NRG3: variants seen among roughly 807,000 people sequenced by gnomAD.
NRG3 encodes the protein neuregulin 3, also known as pro-neuregulin-3, membrane-bound isoform.
Under a neutral mutation model 66.9 loss-of-function variants are expected in NRG3, and 31 were observed. The ratio of observed to expected loss-of-function variants is 0.46; its 90% CI spans 0.35 to 0.63. The LOEUF (loss-of-function observed/expected upper bound fraction) is 0.63. Ranked by LOEUF, NRG3 falls within the 20% of genes least tolerant of loss-of-function variation. The pLI, the probability that NRG3 is intolerant of heterozygous loss-of-function variation, is 0.00. For missense variants in NRG3, 910 were observed against 878.9 expected (o/e 1.04, Z -0.45); for synonymous variants, 393 against 359.4 (o/e 1.09, Z -1.06).
intron 1 of NRG3, among the ~76,000 whole-genome samples, chr10:82,242,677 T>C (rs2077056335): frequency 6.6e-6 from 1 of 152,132 alleles, no homozygotes; most frequent in Non-Finnish European, 1.5e-5. Context: ...ACTTTGGAAT[T>C]CTTGTGGAGG....
At chr10:82,375,680 T>C (rs1045194367) in intron 2 of NRG3, among the ~76,000 whole-genome samples, 25 of 152,230 alleles carry the variant, frequency 1.6e-4, no homozygotes, top group African/African-American at 5.8e-4. Flanking sequence ...AAATCTGTTC[T>C]AAACCTCGGC....
intron 4 of NRG3, among the ~76,000 whole-genome samples, chr10:82,924,467 A>G (rs1339478875): frequency 6.6e-6 from 1 of 152,102 alleles, no homozygotes; most frequent in Non-Finnish European, 1.5e-5. Context: ...TGGGTCTACC[A>G]TAAGGCAGAA....
intron 1 of NRG3, among the ~76,000 whole-genome samples, chr10:82,285,151 A>G (rs1330450857): frequency 6.6e-6 from 1 of 152,204 alleles, no homozygotes; most frequent in African/African-American, 2.4e-5. Context: ...GCAAAAAAAC[A>G]TAACTGCCTT....
At chr10:82,371,492 G>C (rs1277174647) in intron 2 of NRG3, among the ~76,000 whole-genome samples, 2 of 152,138 alleles carry the variant, frequency 1.3e-5, no homozygotes, top group African/African-American at 4.8e-5. Flanking sequence ...CTGTAAAGTG[G>C]TAAGAATATA....
At position 82,086,117 on chromosome 10, in the gene NRG3, A is replaced by AC. The variant is rs79109351; in HGVS notation, c.823+209954_823+209955insC. 3.5e-5 allele frequency among the ~76,000 whole-genome samples: 3 copies of AC among 85,334 alleles called. No homozygotes were observed. In the East Asian group the frequency reaches 1.3e-3, roughly 37 times the overall value. 56.0% of individuals were successfully genotyped at this position (85,334 alleles called of 152,430 possible). A position where few individuals can be genotyped will look rare whatever the true frequency, so the allele number is the denominator to read the frequency against. Reference sequence around the variant, plus strand: ...ATTTGGGTAACTGATATGGAATCACAAAAAAAAATCTAACCTGAAGCAATT... The same window carrying AC: ...ATTTGGGTAACTGATATGGAATCACACAAAAAAAATCTAACCTGAAGCAATT... On this transcript the variant is annotated intron_variant, in intron 1 of 8. Transcript: ENST00000372141.
chr10:82,560,812 C>T (rs368412540), intron 2 of NRG3, among the ~76,000 whole-genome samples: 52 of 151,482 alleles, frequency 3.4e-4, no homozygotes, highest in Admixed American at 1.6e-3. Context: ...AAATAAGAAA[C>T]GACTGGTTTA....
At chr10:82,981,862 G>A (rs1000855387) in intron 8 of NRG3, among the ~76,000 whole-genome samples, 3 of 152,120 alleles carry the variant, frequency 2.0e-5, no homozygotes, top group Non-Finnish European at 4.4e-5. Flanking sequence ...ACAAAAGTTA[G>A]ATTCACACCT....
chr10:82,974,390 A>G (rs182187055), intron 7 of NRG3, among the ~76,000 whole-genome samples: 1 of 152,208 alleles, frequency 6.6e-6, no homozygotes, highest in Non-Finnish European at 1.5e-5. Flanking sequence ...ATGAGGTGGC[A>G]GTTTCTTGCA....
chr10:82,806,750 G>A (rs1485280338), intron 3 of NRG3, among the ~76,000 whole-genome samples: 2 of 152,182 alleles, frequency 1.3e-5, no homozygotes, highest in Non-Finnish European at 2.9e-5. Flanking sequence ...GTAGATGACA[G>A]TCTGATGGGG....
intron 2 of NRG3, among the ~76,000 whole-genome samples, chr10:82,646,247 G>A (rs1372695273): frequency 3.3e-5 from 5 of 152,118 alleles, no homozygotes; most frequent in Non-Finnish European, 1.5e-5. Flanking sequence ...GCAGATGAGG[G>A]AGTAATCCAC....
intron 2 of NRG3, among the ~76,000 whole-genome samples, chr10:82,470,937 A>T (rs1841193341): frequency 6.6e-6 from 1 of 151,984 alleles, no homozygotes. Flanking sequence ...CTGTCCACAC[A>T]ATTCCCTGGT....
chr10:82,177,118 A>T (rs894730671), intron 1 of NRG3, among the ~76,000 whole-genome samples: 1 of 152,114 alleles, frequency 6.6e-6, no homozygotes, highest in African/African-American at 2.4e-5. Context: ...TAGTGCCTTG[A>T]AGATAGCAGC....
intron 1 of NRG3, among the ~76,000 whole-genome samples, chr10:82,218,678 T>C (rs560889103): frequency 6.6e-6 from 1 of 152,272 alleles, no homozygotes; most frequent in African/African-American, 2.4e-5. Context: ...TCTCCCCACA[T>C]ATCTTTCTTC....
chr10:82,384,457 T>A (rs1476359646), intron 2 of NRG3, among the ~76,000 whole-genome samples: 3 of 152,086 alleles, frequency 2.0e-5, no homozygotes, highest in African/African-American at 4.8e-5. Context: ...CAGGCCCAAG[T>A]GTGTGTTATT....
At chr10:82,441,629 A>G (rs1299978625) in intron 2 of NRG3, among the ~76,000 whole-genome samples, 1 of 152,218 alleles carries the variant, frequency 6.6e-6, no homozygotes, top group Non-Finnish European at 1.5e-5. Flanking sequence ...TAACATGGGC[A>G]TTGGAAGAGG....
intron 1 of NRG3, among the ~76,000 whole-genome samples, chr10:82,059,367 GAT>G (rs2064012293): frequency 6.6e-6 from 1 of 152,164 alleles, no homozygotes; most frequent in African/African-American, 2.4e-5. Context: ...ACACTCAGTA[GAT>G]ATTTCAGGGT....
chr10:82,806,407 TA>T lies in NRG3; in HGVS notation c.1028-59003del, dbSNP rs2061284676. Reference sequence around the variant, plus strand: ...CTTTCTACTTAGTTTTTGCTGTTTTTATAAAAATATATACTAAAGACAAAAA... The same window carrying T: ...CTTTCTACTTAGTTTTTGCTGTTTTTTAAAAATATATACTAAAGACAAAAA... On this transcript the variant is annotated intron_variant, in intron 3 of 8. Transcript: ENST00000372141. 8.5e-5 allele frequency among the ~76,000 whole-genome samples: 13 copies of T among 152,330 alleles called. No individual in the cohort carries two copies. The South Asian group carries it at 2.7e-3, about 32-fold the overall frequency.
At chr10:82,427,156 A>G (rs926500994) in intron 2 of NRG3, among the ~76,000 whole-genome samples, 19 of 152,020 alleles carry the variant, frequency 1.2e-4, no homozygotes, top group Non-Finnish European at 2.6e-4. Context: ...TTACTTTTTC[A>G]TTTTCAATCT....
chr10:82,276,976 CA>C (rs140721832), intron 1 of NRG3, among the ~76,000 whole-genome samples: 4 of 151,780 alleles, frequency 2.6e-5, no homozygotes, highest in African/African-American at 4.8e-5. Context: ...TTTAGAATTA[CA>C]AAAAAATGTG....
Sources: gnomAD v4.1 joint callset for allele counts (sites outside exome capture counted in the v4.1 genomes callset) on GRCh38, gnomAD v4.1.1 for gene constraint, MANE v1.5 for transcripts, NCBI Gene and HGNC (gene_info 2026-07-23, HGNC 2026-07-21) for gene names.